Variants in SNTG1 observed in about 807,000 individuals in gnomAD.
SNTG1 encodes syntrophin gamma 1.
SNTG1 carries 39 observed loss-of-function variants against 74.7 expected under a neutral mutation model. The observed-to-expected ratio is 0.52, with a 90% CI of 0.40 to 0.68. SNTG1 has a LOEUF of 0.68. Among genes scored for constraint, SNTG1 ranks in the 30% least tolerant of loss-of-function variants. SNTG1 has a pLI of 0.00. For synonymous variants in SNTG1, 254 were observed against 217.1 expected, an observed-to-expected ratio of 1.17 and a Z score of -1.49; for missense variants, 685 against 609.5, an observed-to-expected ratio of 1.12 and a Z score of -1.30.
At position 50,466,357 on chromosome 8, in the gene SNTG1, T is replaced by G. The variant is rs147693135; in HGVS notation, c.363+15628T>G. 1.8e-3 allele frequency among the ~76,000 whole-genome samples: 276 copies of G among 152,090 alleles called. 2 individuals carry two copies. Among genetic ancestry groups the G allele is most frequent in the African/African-American group, 6.1e-3 (254 of 41,536 alleles). On this transcript the variant is annotated intron_variant, in intron 8 of 18. Transcript: ENST00000642720. ...TTCTTTGTTGACCAGTTGTTTATATTTATGTGGAGCTATTTCTGGTCTTTT... is the reference window on the plus strand; with the variant it reads ...TTCTTTGTTGACCAGTTGTTTATATGTATGTGGAGCTATTTCTGGTCTTTT...
intron 5 of SNTG1, among the ~76,000 whole-genome samples, chr8:50,439,707 T>C (rs1347553988): frequency 1.3e-5 from 2 of 151,036 alleles, no homozygotes; most frequent in African/African-American, 2.4e-5. Flanking sequence ...GAGATTTTTT[T>C]TTGTTTTGCT....
chr8:50,426,443 A>G (rs1005571032), intron 4 of SNTG1, among the ~76,000 whole-genome samples: 1 of 151,906 alleles, frequency 6.6e-6, no homozygotes, highest in African/African-American at 2.4e-5. Context: ...TTTAACAAAA[A>G]CATTTTAAAA....
chr8:50,617,105 G>A (rs137971702), intron 13 of SNTG1, among the ~76,000 whole-genome samples: 6 of 152,136 alleles, frequency 3.9e-5, no homozygotes, highest in African/African-American at 1.4e-4. Context: ...TCCTGTGATT[G>A]TTTATCTCAC....
intron 1 of SNTG1, among the ~76,000 whole-genome samples, chr8:50,021,154 C>T (rs1031773453): frequency 2.0e-5 from 3 of 152,150 alleles, no homozygotes; most frequent in Non-Finnish European, 4.4e-5. Flanking sequence ...CAGAGCTAAT[C>T]CCACTCAATA....
At chr8:50,288,834 A>T (rs1329081748) in intron 2 of SNTG1, among the ~76,000 whole-genome samples, 1 of 152,172 alleles carries the variant, frequency 6.6e-6, no homozygotes. Flanking sequence ...ATTGCATGTT[A>T]TAGGTTGCTA....
intron 9 of SNTG1, among the ~76,000 whole-genome samples, chr8:50,505,446 TTAAG>T (rs1450555166): frequency 1.3e-5 from 2 of 152,112 alleles, no homozygotes; most frequent in African/African-American, 4.8e-5. Flanking sequence ...TTTTACACTC[TTAAG>T]TAACAGGCAA....
At position 50,158,384 on chromosome 8, in the gene SNTG1, A is replaced by G. The variant is rs554988590; in HGVS notation, c.-102-14177A>G. The stretch of plus-strand genomic sequence containing the variant: ...TTGGGTGGGTTCTCAAAACTTTTTA[A>G]GTATAGGAAGATGACCATCAGAGAG... On this transcript the variant is annotated intron_variant, in intron 1 of 18. Coordinates refer to ENST00000642720, the MANE Select transcript of SNTG1 (RefSeq NM_018967.5). 1.4e-4 allele frequency among the ~76,000 whole-genome samples: 22 copies of G among 152,280 alleles called. No individual in the cohort carries two copies. The East Asian group carries it at 4.2e-3, about 29-fold the overall frequency.
chr8:50,239,054 A>G (rs10092399), intron 2 of SNTG1, among the ~76,000 whole-genome samples: 47,159 of 152,112 alleles, frequency 0.31, 7,584 homozygotes, highest in Middle Eastern at 0.4. Context: ...AATGTAAATT[A>G]GTTCAGTCAC....
intron 12 of SNTG1, among the ~76,000 whole-genome samples, chr8:50,562,358 A>G (rs1012469326): frequency 2.0e-5 from 3 of 152,238 alleles, no homozygotes; most frequent in African/African-American, 7.2e-5. Context: ...ATTCTCTACA[A>G]GTGTAAGAAG....
chr8:50,680,427 C>T (rs117406659), intron 15 of SNTG1, among the ~76,000 whole-genome samples: 3 of 152,170 alleles, frequency 2.0e-5, no homozygotes, highest in Non-Finnish European at 4.4e-5. Flanking sequence ...TGTAGTTGGT[C>T]GATACCAATT....
rs367925496 is a variant in SNTG1 at position 50,569,477 on chromosome 8, A to AT, written c.810+16306dup. 1.0e-3 allele frequency among the ~76,000 whole-genome samples: 157 copies of AT among 151,854 alleles called. 1 individual carries two copies. The highest frequency in any genetic ancestry group is 3.5e-3 in the African/African-American group (146 of 41,402). ...ACTACCACTTGCAAGTTAAAAAATC[A>AT]TTTTTTTTCCATAAAAGCGTTGGTT... is the stretch of plus-strand genomic sequence containing the variant. On this transcript the variant is annotated intron_variant, in intron 12 of 18. Coordinates refer to ENST00000642720, the MANE Select transcript of SNTG1 (RefSeq NM_018967.5).
chr8:50,291,525 C>T (rs1015745929), intron 2 of SNTG1, among the ~76,000 whole-genome samples: 2 of 152,086 alleles, frequency 1.3e-5, no homozygotes, highest in Admixed American at 1.3e-4. Context: ...ATAAATGAGA[C>T]AGCCAGGTAA....
intron 8 of SNTG1, among the ~76,000 whole-genome samples, chr8:50,484,121 T>TTTCTTTCTTTCTTTCTTTCC (rs1563453241): frequency 2.7e-5 from 3 of 112,718 alleles, no homozygotes; most frequent in East Asian, 2.7e-4. Flanking sequence ...TCTTTCTTTC[T>TTTCTTTCTTTCTTTCTTTCC]TTCTTTCTTT....
chr8:50,621,294 A>C (rs2131045662), intron 13 of SNTG1, among the ~76,000 whole-genome samples: 1 of 152,298 alleles, frequency 6.6e-6, no homozygotes, highest in South Asian at 2.1e-4. Flanking sequence ...TAAACAGATT[A>C]TTCCCACATG....
At chr8:50,150,460 C>T (rs2082027597) in intron 1 of SNTG1, among the ~76,000 whole-genome samples, 1 of 152,160 alleles carries the variant, frequency 6.6e-6, no homozygotes, top group Non-Finnish European at 1.5e-5. Flanking sequence ...GAGGGCATCC[C>T]TGTCTTGTGC....
At chr8:50,163,730 C>A (rs34997857) in intron 1 of SNTG1, 41,832 of 152,016 alleles carry the variant, frequency 0.28, 5,861 homozygotes, top group Middle Eastern at 0.4. Context: ...GGGTCTGCCG[C>A]CTCCACCTCC....
intron 1 of SNTG1, among the ~76,000 whole-genome samples, chr8:50,006,564 C>G (rs1435162758): frequency 6.6e-6 from 1 of 152,040 alleles, no homozygotes; most frequent in Admixed American, 6.6e-5. Flanking sequence ...AGGGCATTTA[C>G]CTTGTTTGGA....
At position 50,522,982 on chromosome 8, in the gene SNTG1, T is replaced by C. The variant is rs146559756; in HGVS notation, c.467-7195T>C. On this transcript the variant is annotated intron_variant, in intron 9 of 18. Coordinates refer to ENST00000642720, the MANE Select transcript of SNTG1 (RefSeq NM_018967.5). ...TTTTTTAATGAAGCCGTATTCATCA[T>C]TAATCCTAGCCCTAGTTATAGCTTC... Among the ~76,000 whole-genome samples the C allele has an allele frequency of 7.2e-5, 11 of 152,350 alleles. No homozygotes were observed. In the East Asian group the frequency reaches 2.1e-3, roughly 29 times the overall value.
At chr8:49,975,425 T>A (rs970112193) in intron 1 of SNTG1, among the ~76,000 whole-genome samples, 8 of 152,196 alleles carry the variant, frequency 5.3e-5, no homozygotes, top group African/African-American at 1.9e-4. Flanking sequence ...TTCCTAAGGT[T>A]CATGTTTCGA....
Sources: gnomAD v4.1 joint callset for allele counts (sites outside exome capture counted in the v4.1 genomes callset) on GRCh38, gnomAD v4.1.1 for gene constraint, MANE v1.5 for transcripts, NCBI Gene and HGNC (gene_info 2026-07-23, HGNC 2026-07-21) for gene names.